The following ATG4C variants were observed in gnomAD, a reference collection of about 807,000 sequenced individuals.
ATG4C encodes the protein autophagy related 4C cysteine peptidase.
A neutral mutation model predicts 57.6 loss-of-function variants in ATG4C; 56 were observed. The ratio of observed to expected loss-of-function variants is 0.97; its 90% CI spans 0.78 to 1.21. The LOEUF (loss-of-function observed/expected upper bound fraction) is 1.21. Ranked by LOEUF, ATG4C falls within the 50% of genes most tolerant of loss-of-function variation. ATG4C has a pLI of 0.00. For missense variants in ATG4C, 595 were observed against 529.8 expected, an observed-to-expected ratio of 1.12 and a Z score of -1.21; for synonymous variants, 157 against 174.1, an observed-to-expected ratio of 0.90 and a Z score of 0.78.
chr1:62,820,923 G>A (rs1235488662), intron 5 of ATG4C, among the ~76,000 whole-genome samples: 1 of 151,914 alleles, frequency 6.6e-6, no homozygotes, highest in African/African-American at 2.4e-5. Flanking sequence ...TGTAATTTGT[G>A]TTTTAATGTT....
intron 1 of ATG4C, among the ~76,000 whole-genome samples, chr1:62,790,328 A>G (rs765901613): frequency 3.3e-5 from 5 of 152,184 alleles, no homozygotes; most frequent in Non-Finnish European, 7.4e-5. Flanking sequence ...TGTTTTCCCA[A>G]AGAGAGAATT....
intron 3 of ATG4C, among the ~76,000 whole-genome samples, chr1:62,805,844 C>T (rs1395618366): frequency 6.6e-6 from 1 of 152,130 alleles, no homozygotes; most frequent in African/African-American, 2.4e-5. Flanking sequence ...TGTCCAAAGT[C>T]ACATGGGTAT....
At chr1:62,798,025 T>G (rs1420098592) in intron 1 of ATG4C, among the ~76,000 whole-genome samples, 5 of 152,194 alleles carry the variant, frequency 3.3e-5, no homozygotes, top group African/African-American at 1.2e-4. Flanking sequence ...TTTCACCATG[T>G]TGGCCAGGCA....
At position 62,816,582 on chromosome 1, in the gene ATG4C, T is replaced by C. The variant is rs1242052921; in HGVS notation, c.168T>C (p.Asp56=). The change falls in exon 4 of 11, where the codon GAT becomes GAC. Residue 56 remains aspartate (D), a synonymous_variant. Transcript: ENST00000317868. ...KCYHFKYEDE[D]KTLPAESGCT... is the part of the protein sequence containing the mutation. ...CGTATGTTTATTTTTTAGATGAAGATAAAACGTTACCTGCAGAGTCGGGAT... is the reference window on the plus strand; with the variant it reads ...CGTATGTTTATTTTTTAGATGAAGACAAAACGTTACCTGCAGAGTCGGGAT... 2 of 1,605,012 alleles carry C rather than the reference T, an allele frequency of 1.2e-6. No individual in the cohort carries two copies. The highest frequency in any genetic ancestry group is 1.7e-6 in the Non-Finnish European group (2 of 1,175,700).
chr1:62,829,230 A>G (rs995077226), intron 7 of ATG4C, 54 bp downstream of exon 7: 2 of 1,588,874 alleles, frequency 1.3e-6, no homozygotes, highest in Non-Finnish European at 1.7e-6. Flanking sequence ...TATGAAAAAT[A>G]TAGAAGGTTT....
chr1:62,862,491 T>C (rs987625730), intron 10 of ATG4C, among the ~76,000 whole-genome samples: 12 of 152,112 alleles, frequency 7.9e-5, no homozygotes, highest in African/African-American at 2.9e-4. Flanking sequence ...ATATTCCAGC[T>C]ATTGGCTGGA....
chr1:62,810,624 T>A (rs893567444), intron 3 of ATG4C, among the ~76,000 whole-genome samples: 6 of 152,072 alleles, frequency 3.9e-5, no homozygotes, highest in Non-Finnish European at 7.4e-5. Context: ...TTACGAAACA[T>A]CTTGTTTTCT....
intron 3 of ATG4C, among the ~76,000 whole-genome samples, chr1:62,811,973 C>T (rs1279085726): frequency 6.6e-6 from 1 of 152,044 alleles, no homozygotes; most frequent in Non-Finnish European, 1.5e-5. Flanking sequence ...CTATTGACAA[C>T]ATTAAGTGAG....
rs150712642 is a variant in ATG4C, at chr1:62,796,593, G to A, written c.-68-7126G>A. Among the ~76,000 whole-genome samples the A allele has an allele frequency of 3.0e-4, 46 of 152,204 alleles. No individual in the cohort carries two copies. The East Asian group carries it at 7.5e-3, about 25-fold the overall frequency. Reference sequence around the variant, plus strand: ...TCAGCTGTTTAGGAATTTTGTCATAGGATATCTTCTCTGTCAATTTTCTAG... The same window carrying A: ...TCAGCTGTTTAGGAATTTTGTCATAAGATATCTTCTCTGTCAATTTTCTAG... On this transcript the variant is annotated intron_variant, in intron 1 of 10. Transcript: ENST00000317868.
At chr1:62,784,498 G>A (rs1664016914) in intron 1 of ATG4C, among the ~76,000 whole-genome samples, 1 of 152,158 alleles carries the variant, frequency 6.6e-6, no homozygotes, top group Non-Finnish European at 1.5e-5. Context: ...TAAACCGTAA[G>A]CCTAACTGTG....
Position 62,805,152 on chromosome 1 carries a change from C to CTTTTTT in ATG4C, c.77-11_77-6dup, listed in dbSNP as rs74261206. On this transcript the variant is annotated intron_variant, in intron 2 of 10. Coordinates refer to ENST00000317868, the MANE Select transcript of ATG4C (RefSeq NM_032852.4). Reference sequence around the variant, plus strand: ...TTTTAATTACAAAACGTTTTCTTTTCTTTTTTTTTTTTTTGCTAGGTTGGG... The same window carrying CTTTTTT: ...TTTTAATTACAAAACGTTTTCTTTTCTTTTTTTTTTTTTTTTTTTTGCTAGGTTGGG... The CTTTTTT allele has an allele frequency of 1.5e-6, 2 of 1,368,648 alleles. No homozygotes were observed. The highest frequency in any genetic ancestry group is 3.2e-5 in the African/African-American group (2 of 62,236). The allele number at this position is 1,368,648 out of a possible 1,614,324, so 84.8% of individuals were successfully genotyped here. A position where few individuals can be genotyped will look rare whatever the true frequency, so the allele number is the denominator to read the frequency against.
chr1:62,843,628 C>T (rs1001046841), intron 10 of ATG4C, among the ~76,000 whole-genome samples: 1 of 152,042 alleles, frequency 6.6e-6, no homozygotes, highest in Non-Finnish European at 1.5e-5. Flanking sequence ...TCGTAATACC[C>T]TATGAACGAA....
intron 6 of ATG4C, 123 bp from the exon 7 acceptor site, chr1:62,828,917 T>C (rs766880530): frequency 2.4e-6 from 2 of 824,978 alleles, no homozygotes; most frequent in Non-Finnish European, 3.7e-6. Flanking sequence ...AAGACATTTC[T>C]GGTGATGCCA....
At chr1:62,797,283 T>C (rs1319272528) in intron 1 of ATG4C, among the ~76,000 whole-genome samples, 2 of 151,994 alleles carry the variant, frequency 1.3e-5, no homozygotes, top group Non-Finnish European at 2.9e-5. Flanking sequence ...TATCTTTTTA[T>C]AGTGATATAG....
chr1:62,803,736 A>C lies in ATG4C; in HGVS notation c.-51A>C. 1 of 1,297,078 alleles carries C rather than the reference A, an allele frequency of 7.7e-7. No individual in the cohort carries two copies. Among genetic ancestry groups the C allele is most frequent in the South Asian group, 1.3e-5 (1 of 75,988 alleles). The allele number at this position is 1,297,078 out of a possible 1,614,324, so 80.3% of individuals were successfully genotyped here. A position where few individuals can be genotyped will look rare whatever the true frequency, so the allele number is the denominator to read the frequency against. On this transcript the variant is annotated 5_prime_UTR_variant, in exon 2 of 11. Transcript: ENST00000317868. Reference sequence around the variant, plus strand: ...TTTTAAAGTCAGTATAAAAGATTAAACTCTACAGAAGAATGCAATCAAGTG... The same window carrying C: ...TTTTAAAGTCAGTATAAAAGATTAACCTCTACAGAAGAATGCAATCAAGTG...
chr1:62,811,694 T>A (rs1665089155), intron 3 of ATG4C, among the ~76,000 whole-genome samples: 1 of 152,186 alleles, frequency 6.6e-6, no homozygotes. Context: ...ATCTCTGATA[T>A]ACCCATTGTA....
intron 10 of ATG4C, among the ~76,000 whole-genome samples, chr1:62,853,028 G>T (rs1321331778): frequency 2.0e-5 from 3 of 152,052 alleles, no homozygotes; most frequent in Non-Finnish European, 4.4e-5. Flanking sequence ...CTATGAAAAA[G>T]ATGCATAGAT....
intron 10 of ATG4C, among the ~76,000 whole-genome samples, chr1:62,861,213 T>A (rs2100369201): frequency 6.6e-6 from 1 of 152,228 alleles, no homozygotes; most frequent in East Asian, 1.9e-4. Context: ...AAATAATAGT[T>A]TTCTCCTACT....
At chr1:62,794,961 T>C (rs1305915385) in intron 1 of ATG4C, among the ~76,000 whole-genome samples, 1 of 152,192 alleles carries the variant, frequency 6.6e-6, no homozygotes, top group Non-Finnish European at 1.5e-5. Context: ...GTTACATAGA[T>C]AAAAAACTTA....
Sources: allele counts gnomAD v4.1 joint callset (sites outside exome capture counted in the v4.1 genomes callset), GRCh38; gene constraint gnomAD v4.1.1; transcripts MANE v1.5; gene names NCBI Gene and HGNC (gene_info 2026-07-23, HGNC 2026-07-21).